Variants in ABCA13 observed in about 807,000 individuals in gnomAD.
ABCA13 encodes the protein ATP binding cassette subfamily A member 13, also known as ATP-binding cassette sub-family A member 13.
Under a neutral mutation model 478.7 loss-of-function variants are expected in ABCA13, and 476 were observed. The ratio of observed to expected loss-of-function variants is 0.99; its 90% confidence interval spans 0.92 to 1.07. The LOEUF is 1.07. Ranked by LOEUF, ABCA13 falls within the 50% of genes least tolerant of loss-of-function variation. The pLI is 0.00. For synonymous variants in ABCA13, 2,252 were observed against 2,158.9 expected (o/e 1.04, Z -1.20); for missense variants, 6,060 against 5,910.6 (o/e 1.03, Z -0.83).
rs766524780 is a variant in ABCA13 at position 48,273,838 on chromosome 7, T to G, written c.4172T>G (p.Leu1391Arg). 1 of 1,612,312 alleles carries G rather than the reference T, an allele frequency of 6.2e-7. No individual in the cohort carries two copies. Among genetic ancestry groups the G allele is most frequent in the Non-Finnish European group, 8.5e-7 (1 of 1,178,980 alleles). Residue 1391 changes from leucine to arginine, a missense_variant, in exon 17 of 62, where the codon CTG (leucine) becomes CGG (arginine). Coordinates refer to ENST00000435803, the MANE Select transcript of ABCA13 (RefSeq NM_152701.5). ...TFSSENTISSLKGCIVWLDVI... is the reference protein window; with the variant it reads ...TFSSENTISSRKGCIVWLDVI... ...TCCTCTGAGAACACAATTAGCAGTC[T>G]GAAAGGATGCATTGTATGGTTAGAT...
In ABCA13 at chr7:48,647,089, T is replaced by G. The variant is rs2131716069; in HGVS notation, c.*1577T>G. 1 of 152,350 alleles carries G rather than the reference T, an allele frequency of 6.6e-6. No homozygotes were observed. Among genetic ancestry groups the G allele is most frequent in the African/African-American group, 2.4e-5 (1 of 41,590 alleles). 9.4% of individuals were successfully genotyped at this position (152,350 alleles called of 1,614,324 possible). On this transcript the variant is annotated 3_prime_UTR_variant, in exon 62 of 62. Coordinates refer to ENST00000435803, the MANE Select transcript of ABCA13 (RefSeq NM_152701.5). ...TCCTCAATAGAAAATCACATTAATC[T>G]TATTTTAAAATTTGGCCTTTTTCAA...
chr7:48,477,806 G>A (rs539702250), intron 45 of ABCA13, among the ~76,000 whole-genome samples: 1 of 151,092 alleles, frequency 6.6e-6, no homozygotes, highest in South Asian at 2.1e-4. Context: ...CGAGTTAATG[G>A]GTGCAGTACA....
At chr7:48,439,851 G>A (rs904775763) in intron 42 of ABCA13, among the ~76,000 whole-genome samples, 5 of 152,070 alleles carry the variant, frequency 3.3e-5, no homozygotes, top group Non-Finnish European at 2.9e-5. Context: ...GTCATATGAC[G>A]TAGTTTAATT....
intron 59 of ABCA13, chr7:48,627,109 T>C (rs1281844655): frequency 2.3e-5 from 21 of 917,800 alleles, no homozygotes; most frequent in Non-Finnish European, 2.5e-5. Context: ...TTTCTGTGCA[T>C]GGTCTTATTT....
Position 48,272,931 on chromosome 7 carries a change from A to G in ABCA13, c.3265A>G (p.Ser1089Gly). 3.7e-6 allele frequency: 6 copies of G among 1,613,098 alleles called. No individual in the cohort carries two copies. The highest frequency in any genetic ancestry group is 5.1e-6 in the Non-Finnish European group (6 of 1,179,442). The change falls in exon 17 of 62, where the codon AGT (serine) becomes GGT (glycine). Residue 1089 changes from serine to glycine, a missense_variant. Physicochemically the swap from Ser to Gly is moderately conservative, Grantham distance 56. This residue lies in a region of ABCA13 where 4,423 missense variants were observed against 4,309.1 expected (regional missense o/e 1.03). Coordinates refer to ENST00000435803, the MANE Select transcript of ABCA13 (RefSeq NM_152701.5). ...TCAATATATGAGCCAATTCTTCAAC[A>G]GTTCAGTAGAAGACCTATTGGATAA... The part of the protein sequence containing the change: ...LFQYMSQFFN[S>G]SVEDLLDNKC...
chr7:48,454,937 G>C, intron 42 of ABCA13, 100 bp from the exon 43 acceptor site: 2 of 1,398,734 alleles, frequency 1.4e-6, no homozygotes, highest in Non-Finnish European at 9.3e-7. Flanking sequence ...CATTCCCATG[G>C]CTGCGAGATG....
intron 6 of ABCA13, 132 bp downstream of exon 6, chr7:48,227,557 G>GTGCAGA: frequency 2.7e-6 from 3 of 1,097,552 alleles, no homozygotes; most frequent in Non-Finnish European, 3.9e-6. Context: ...GAAACAAGAG[G>GTGCAGA]AGCTTCTGCA....
intron 1 of ABCA13, among the ~76,000 whole-genome samples, chr7:48,173,350 A>G (rs867626718): frequency 2.0e-5 from 3 of 152,244 alleles, no homozygotes; most frequent in Non-Finnish European, 4.4e-5. Flanking sequence ...TGGTTCATCA[A>G]TGTATTCTCC....
chr7:48,516,253 T>C (rs1832098533), intron 51 of ABCA13, among the ~76,000 whole-genome samples: 1 of 152,160 alleles, frequency 6.6e-6, no homozygotes. Flanking sequence ...ATTCCAGAAA[T>C]AAACAATTCA....
At chr7:48,207,543 A>G (rs1267390967) in intron 3 of ABCA13, among the ~76,000 whole-genome samples, 2 of 152,060 alleles carry the variant, frequency 1.3e-5, no homozygotes, top group African/African-American at 2.4e-5. Flanking sequence ...CCCTTCTTGG[A>G]TGAGTAGTGA....
chr7:48,514,143 A>G (rs1831928560), intron 51 of ABCA13, among the ~76,000 whole-genome samples: 1 of 152,222 alleles, frequency 6.6e-6, no homozygotes, highest in Non-Finnish European at 1.5e-5. Context: ...ACTCCACAGC[A>G]AGACCGGGAG....
chr7:48,526,700 A>T (rs1832911059), intron 54 of ABCA13, among the ~76,000 whole-genome samples: 1 of 152,206 alleles, frequency 6.6e-6, no homozygotes, highest in South Asian at 2.1e-4. Context: ...AATTGCAAGT[A>T]TTTGTGTATC....
intron 48 of ABCA13, among the ~76,000 whole-genome samples, chr7:48,491,407 C>T (rs200181125): frequency 2.0e-5 from 3 of 152,084 alleles, no homozygotes; most frequent in Non-Finnish European, 4.4e-5. Context: ...GATCTTGGCA[C>T]AGAGGCCAGT....
At chr7:48,577,680 T>C (rs1172261033) in intron 55 of ABCA13, among the ~76,000 whole-genome samples, 2 of 152,028 alleles carry the variant, frequency 1.3e-5, no homozygotes, top group African/African-American at 2.4e-5. Context: ...TTTACTGCAA[T>C]GTCTTTTAGA....
intron 3 of ABCA13, among the ~76,000 whole-genome samples, chr7:48,210,112 G>T (rs1051568575): frequency 1.3e-5 from 2 of 152,178 alleles, no homozygotes; most frequent in African/African-American, 2.4e-5. Flanking sequence ...AAAGTAAAGA[G>T]ATTTAATTGA....
chr7:48,362,896 G>T (rs1187375961), intron 31 of ABCA13, among the ~76,000 whole-genome samples: 1 of 152,040 alleles, frequency 6.6e-6, no homozygotes, highest in Admixed American at 6.6e-5. Flanking sequence ...TTAAAAAATA[G>T]TATTTGAGTT....
intron 31 of ABCA13, among the ~76,000 whole-genome samples, chr7:48,357,735 C>T (rs1810155348): frequency 6.6e-6 from 1 of 151,982 alleles, no homozygotes; most frequent in South Asian, 2.1e-4. Context: ...CTCACAGCAT[C>T]TTAATACCCC....
At chr7:48,550,525 C>G (rs1785217424) in intron 55 of ABCA13, among the ~76,000 whole-genome samples, 1 of 151,794 alleles carries the variant, frequency 6.6e-6, no homozygotes, top group South Asian at 2.1e-4. Context: ...TCCCAAAGTG[C>G]TGGGATTACA....
chr7:48,415,609 C>T (rs771202380), intron 41 of ABCA13, among the ~76,000 whole-genome samples: 3 of 152,074 alleles, frequency 2.0e-5, no homozygotes, highest in Admixed American at 6.5e-5. Context: ...GTTCCCTTTA[C>T]GTAAGTGGCA....
Sources: allele counts gnomAD v4.1 joint callset (sites outside exome capture counted in the v4.1 genomes callset), GRCh38; gene constraint gnomAD v4.1.1; regional missense constraint gnomAD v4.1.1; transcripts MANE v1.5; gene names NCBI Gene and HGNC (gene_info 2026-07-23, HGNC 2026-07-21).